ATRNL1: variants seen among roughly 807,000 people sequenced by gnomAD.
ATRNL1 encodes the protein attractin like 1.
A neutral mutation model predicts 182.7 loss-of-function variants in ATRNL1; 95 were observed. The ratio of observed to expected loss-of-function variants is 0.52; its 90% CI spans 0.44 to 0.62. The LOEUF (loss-of-function observed/expected upper bound fraction) is 0.62. Ranked by LOEUF, ATRNL1 falls within the 20% of genes least tolerant of loss-of-function variation. The pLI, the probability that ATRNL1 is intolerant of heterozygous loss-of-function variation, is 0.00. For missense variants in ATRNL1, 1,471 were observed against 1,679.5 expected (o/e 0.88, Z 2.17); for synonymous variants, 576 against 568.3 (o/e 1.01, Z -0.19).
At chr10:115,256,163 G>T (rs550529732) in intron 10 of ATRNL1, among the ~76,000 whole-genome samples, 1 of 152,296 alleles carries the variant, frequency 6.6e-6, no homozygotes, top group Non-Finnish European at 1.5e-5. Context: ...AAATGAGTTA[G>T]GGAGGATTCC....
intron 26 of ATRNL1, among the ~76,000 whole-genome samples, chr10:115,715,752 A>C (rs1320951869): frequency 6.6e-6 from 1 of 152,228 alleles, no homozygotes; most frequent in African/African-American, 2.4e-5. Context: ...AGTTTCAAAA[A>C]TTTACTCATA....
chr10:115,855,770 A>G lies in ATRNL1; in HGVS notation c.4018+7779A>G, dbSNP rs1300334956. Among the ~76,000 whole-genome samples the G allele has an allele frequency of 2.6e-5, 4 of 152,202 alleles. No individual in the cohort carries two copies. In the South Asian group the frequency reaches 8.3e-4, roughly 31 times the overall value. On this transcript the variant is annotated intron_variant, in intron 28 of 28. Coordinates refer to ENST00000355044, the MANE Select transcript of ATRNL1 (RefSeq NM_207303.4). ...AATCAAGCCCAAAACTGTACTTTCA[A>G]TGGATTACATCTATGAAAACTAACT...
chr10:115,184,697 T>A (rs1249229157), intron 8 of ATRNL1, among the ~76,000 whole-genome samples: 2 of 151,836 alleles, frequency 1.3e-5, no homozygotes, highest in African/African-American at 4.8e-5. Context: ...TAGAATCATA[T>A]TAATCATTTA....
chr10:115,239,417 A>G (rs1850318436), intron 9 of ATRNL1, among the ~76,000 whole-genome samples: 1 of 151,942 alleles, frequency 6.6e-6, no homozygotes, highest in Admixed American at 6.6e-5. Flanking sequence ...TATTTTTAGT[A>G]GAGATGGGGT....
At chr10:115,320,754 G>T (rs931612926) in intron 18 of ATRNL1, among the ~76,000 whole-genome samples, 2 of 151,544 alleles carry the variant, frequency 1.3e-5, no homozygotes, top group African/African-American at 2.4e-5. Flanking sequence ...AGATATTTAT[G>T]TTTCTCTCTA....
chr10:115,486,134 C>T (rs880001854), intron 24 of ATRNL1, among the ~76,000 whole-genome samples: 1 of 152,052 alleles, frequency 6.6e-6, no homozygotes, highest in Non-Finnish European at 1.5e-5. Context: ...TTTTCTTTGT[C>T]CAGTCTATCA....
chr10:115,566,055 G>A (rs1214310626), intron 26 of ATRNL1, among the ~76,000 whole-genome samples: 1 of 151,966 alleles, frequency 6.6e-6, no homozygotes, highest in Non-Finnish European at 1.5e-5. Flanking sequence ...ACACATAATT[G>A]TTTAAACAAT....
intron 26 of ATRNL1, among the ~76,000 whole-genome samples, chr10:115,704,273 T>G (rs948232790): frequency 2.6e-5 from 4 of 151,912 alleles, no homozygotes; most frequent in Admixed American, 2.0e-4. Context: ...ATCCCTTTGA[T>G]CTTTGCCTTC....
intron 26 of ATRNL1, among the ~76,000 whole-genome samples, chr10:115,624,559 C>T (rs1857974604): frequency 6.6e-6 from 1 of 152,080 alleles, no homozygotes; most frequent in African/African-American, 2.4e-5. Flanking sequence ...CTGCCTGGAG[C>T]CAATTTGTAG....
chr10:115,416,528 G>A (rs1845399101), intron 20 of ATRNL1, among the ~76,000 whole-genome samples: 1 of 152,122 alleles, frequency 6.6e-6, no homozygotes, highest in Admixed American at 6.5e-5. Flanking sequence ...ATTCTGCAAA[G>A]TCTTTCAGTT....
intron 8 of ATRNL1, among the ~76,000 whole-genome samples, chr10:115,177,281 T>C (rs782544723): frequency 6.6e-6 from 1 of 152,024 alleles, no homozygotes; most frequent in Non-Finnish European, 1.5e-5. Flanking sequence ...TCTCACAATA[T>C]TGGATTTAAT....
At chr10:115,615,189 C>G (rs1178609629) in intron 26 of ATRNL1, among the ~76,000 whole-genome samples, 1 of 151,950 alleles carries the variant, frequency 6.6e-6, no homozygotes, top group Non-Finnish European at 1.5e-5. Flanking sequence ...AGGGTATCTG[C>G]TATACCAATA....
intron 19 of ATRNL1, among the ~76,000 whole-genome samples, chr10:115,383,086 GTATT>G (rs1211289417): frequency 6.7e-6 from 1 of 149,466 alleles, no homozygotes; most frequent in African/African-American, 2.4e-5. Flanking sequence ...TAATTTTTCT[GTATT>G]TATTCGGTTA....
At position 115,522,346 on chromosome 10, in the gene ATRNL1, A is replaced by G. The variant is rs554616955; in HGVS notation, c.3716+3022A>G. Among the ~76,000 whole-genome samples the G allele has an allele frequency of 2.5e-4, 38 of 152,256 alleles. 1 individual carries two copies. In the South Asian group the frequency reaches 7.7e-3, roughly 31 times the overall value. Reference sequence around the variant, plus strand: ...GGAAGCGGAGCTGGCATGTGTAGCAATCACATGGGGAGAGAAGAGGTGACA... The same window carrying G: ...GGAAGCGGAGCTGGCATGTGTAGCAGTCACATGGGGAGAGAAGAGGTGACA... On this transcript the variant is annotated intron_variant, in intron 25 of 28. Transcript: ENST00000355044.
chr10:115,422,913 C>G (rs1377519939), intron 20 of ATRNL1, among the ~76,000 whole-genome samples: 2 of 152,176 alleles, frequency 1.3e-5, no homozygotes, highest in South Asian at 2.1e-4. Flanking sequence ...CAACACCTAT[C>G]AAGTATTATG....
At chr10:115,489,947 G>T (rs1290007134) in intron 24 of ATRNL1, among the ~76,000 whole-genome samples, 1 of 152,126 alleles carries the variant, frequency 6.6e-6, no homozygotes, top group Non-Finnish European at 1.5e-5. Flanking sequence ...GCATTTGTTT[G>T]CCTGTAAAGG....
At chr10:115,469,007 A>G (rs1445970030) in intron 23 of ATRNL1, among the ~76,000 whole-genome samples, 165 bp from the exon 24 acceptor site, 1 of 150,682 alleles carries the variant, frequency 6.6e-6, no homozygotes, top group Non-Finnish European at 1.5e-5. Flanking sequence ...TACTAAATTT[A>G]TTTCCATTAT....
At chr10:115,649,105 G>A (rs1293758579) in intron 26 of ATRNL1, among the ~76,000 whole-genome samples, 1 of 152,074 alleles carries the variant, frequency 6.6e-6, no homozygotes, top group Non-Finnish European at 1.5e-5. Context: ...ATATTTGAGT[G>A]ACATAAATTT....
At chr10:115,530,728 T>C (rs11812633) in intron 25 of ATRNL1, among the ~76,000 whole-genome samples, 10,458 of 150,122 alleles carry the variant, frequency 0.07, 718 homozygotes, top group African/African-American at 0.18. Context: ...GCTGCACCCA[T>C]TAACTCGTCA....
Sources: allele counts gnomAD v4.1 joint callset (sites outside exome capture counted in the v4.1 genomes callset), GRCh38; gene constraint gnomAD v4.1.1; transcripts MANE v1.5; gene names NCBI Gene and HGNC (gene_info 2026-07-23, HGNC 2026-07-21).